The following ATF6 variants were observed in gnomAD, a reference collection of about 807,000 sequenced individuals.
ATF6 encodes cyclic AMP-dependent transcription factor ATF-6 alpha.
In ATF6, 53 loss-of-function variants were observed where a neutral mutation model predicts 83.6. That is an observed-to-expected ratio of 0.63 (90% confidence interval 0.51 to 0.80). The LOEUF (loss-of-function observed/expected upper bound fraction) is 0.80. Ranked by LOEUF, ATF6 falls within the 30% of genes least tolerant of loss-of-function variation. The pLI is 0.00. For missense variants in ATF6, 744 were observed against 797.9 expected (o/e 0.93, Z 0.81); for synonymous variants, 288 against 285.8 (o/e 1.01, Z -0.08).
chr1:161,778,026 CT>C (rs1388404033), intron 1 of ATF6, among the ~76,000 whole-genome samples: 1 of 152,090 alleles, frequency 6.6e-6, no homozygotes, highest in Non-Finnish European at 1.5e-5. Flanking sequence ...TTTTTGATCC[CT>C]GGTGTAAGAA....
intron 15 of ATF6, among the ~76,000 whole-genome samples, chr1:161,925,398 G>A (rs1216785704): frequency 1.3e-5 from 2 of 151,972 alleles, no homozygotes; most frequent in African/African-American, 4.8e-5. Flanking sequence ...AATTTTATTT[G>A]CTGATTTGGA....
At position 161,803,966 on chromosome 1, in the gene ATF6, A is replaced by G. The variant is rs377373959; in HGVS notation, c.909+1694A>G. Among the ~76,000 whole-genome samples the G allele has an allele frequency of 7.4e-5, 11 of 149,538 alleles. 1 individual carries two copies. In the East Asian group the frequency reaches 1.4e-3, roughly 19 times the overall value. ...ACTAACTCGTCATCTAGCATTAGGT[A>G]TGTCTCCCAGTGCTATCCCTCCCCC... is the stretch of plus-strand genomic sequence containing the variant. On this transcript the variant is annotated intron_variant, in intron 7 of 15. Transcript: ENST00000367942.
intron 4 of ATF6, among the ~76,000 whole-genome samples, chr1:161,791,098 GTGTGTCTC>G (rs1359028962): frequency 2.3e-4 from 33 of 143,432 alleles, no homozygotes; most frequent in South Asian, 1.5e-3. Flanking sequence ...GTGTGTGTGT[GTGTGTCTC>G]TGTGTGTGTG....
At chr1:161,865,605 A>G (rs972039060) in intron 14 of ATF6, among the ~76,000 whole-genome samples, 1 of 151,838 alleles carries the variant, frequency 6.6e-6, no homozygotes, top group Admixed American at 6.6e-5. Context: ...ATTGATTTCC[A>G]CTCCTCCCTA....
intron 15 of ATF6, among the ~76,000 whole-genome samples, chr1:161,931,201 C>A (rs922979376): frequency 2.0e-5 from 3 of 152,178 alleles, no homozygotes; most frequent in Non-Finnish European, 4.4e-5. Flanking sequence ...AATATTTGTT[C>A]TGTTTTTAAG....
chr1:161,773,052 C>T (rs1289746027), intron 1 of ATF6, among the ~76,000 whole-genome samples: 1 of 150,854 alleles, frequency 6.6e-6, no homozygotes, highest in East Asian at 2.0e-4. Flanking sequence ...ACTGTAACCT[C>T]CACCTCCTGG....
Position 161,962,713 on chromosome 1 carries a change from A to ACTGCATACTGATGGGCT in ATF6, c.*4060_*4076dup, listed in dbSNP as rs1398376380. On this transcript the variant is annotated 3_prime_UTR_variant, in exon 16 of 16. Transcript: ENST00000367942. Reference sequence around the variant, plus strand: ...TTCCAGCCATGAAAGCCCTCTTTCCACTGCATACTGATGGGCTGACTCAGC... The same window carrying ACTGCATACTGATGGGCT: ...TTCCAGCCATGAAAGCCCTCTTTCCACTGCATACTGATGGGCTCTGCATACTGATGGGCTGACTCAGC... 5.9e-5 allele frequency: 9 copies of ACTGCATACTGATGGGCT among 152,308 alleles called. No individual in the cohort carries two copies. The East Asian group carries it at 1.7e-3, about 29-fold the overall frequency. The allele number at this position is 152,308 out of a possible 1,614,324, so 9.4% of individuals were successfully genotyped here. A position where few individuals can be genotyped will look rare whatever the true frequency, so the allele number is the denominator to read the frequency against.
At chr1:161,859,783 A>G (rs1423398518) in intron 12 of ATF6, among the ~76,000 whole-genome samples, 1 of 152,218 alleles carries the variant, frequency 6.6e-6, no homozygotes, top group African/African-American at 2.4e-5. Context: ...GTATTTTGGC[A>G]TGAAGATCTC....
intron 15 of ATF6, among the ~76,000 whole-genome samples, chr1:161,956,352 G>A (rs1434364850): frequency 6.6e-6 from 1 of 152,144 alleles, no homozygotes; most frequent in Non-Finnish European, 1.5e-5. Flanking sequence ...AGGGACTATG[G>A]TTCCAAAAGG....
intron 15 of ATF6, among the ~76,000 whole-genome samples, chr1:161,954,984 A>G (rs935657010): frequency 6.6e-6 from 1 of 152,168 alleles, no homozygotes; most frequent in Non-Finnish European, 1.5e-5. Context: ...ATTTTTCCTA[A>G]ATAAGTCATG....
chr1:161,802,143 G>A lies in ATF6; in HGVS notation c.780G>A (p.Gly260=). 2 of 1,614,086 alleles carry A rather than the reference G, an allele frequency of 1.2e-6. No individual in the cohort carries two copies. The highest frequency in any genetic ancestry group is 1.7e-5 in the Admixed American group (1 of 59,980). The change falls in exon 7 of 16, where the codon GGG becomes GGA. Residue 260 remains glycine, a synonymous_variant. Coordinates refer to ENST00000367942, the MANE Select transcript of ATF6 (RefSeq NM_007348.4). The stretch of plus-strand genomic sequence containing the variant: ...CTCAGCCAGTCCTTGCTGTTGCTGG[G>A]GGAGTCACACAGCTCCCTAATCACG... ...PSAQPVLAVA[G]GVTQLPNHVV... is the part of the protein sequence containing the mutation.
At chr1:161,863,124 C>T in intron 13 of ATF6, 74 bp from the exon 14 acceptor site, 1 of 824,898 alleles carries the variant, frequency 1.2e-6, no homozygotes, top group South Asian at 2.0e-5. Flanking sequence ...CAGACATAGC[C>T]TTAGAATGGG....
chr1:161,770,597 ATTTAAC>A (rs1483951949), intron 1 of ATF6, among the ~76,000 whole-genome samples: 2 of 152,148 alleles, frequency 1.3e-5, no homozygotes, highest in Non-Finnish European at 2.9e-5. Context: ...TAATGACCTC[ATTTAAC>A]TTTAATTACC....
intron 4 of ATF6, among the ~76,000 whole-genome samples, chr1:161,784,488 A>G (rs1301512760): frequency 6.6e-6 from 1 of 152,166 alleles, no homozygotes; most frequent in Non-Finnish European, 1.5e-5. Flanking sequence ...CACAGCATCT[A>G]GAATGATTGC....
In ATF6 at chr1:161,807,865, C is replaced by CTTTTTTTTTTTTTT. The variant is rs761462420; in HGVS notation, c.909+5612_909+5625dup. ...CTTTTTGTACTTTTTAGTTTGTCAT[C>CTTTTTTTTTTTTTT]TTTTTTTTTTTTTTTTTTTTTTTTT... is the stretch of plus-strand genomic sequence containing the variant. On this transcript the variant is annotated intron_variant, in intron 7 of 15. Transcript: ENST00000367942. Among the ~76,000 whole-genome samples the CTTTTTTTTTTTTTT allele has an allele frequency of 2.2e-4, 7 of 32,310 alleles. 1 individual carries two copies. Among genetic ancestry groups the CTTTTTTTTTTTTTT allele is most frequent in the African/African-American group, 5.7e-4 (5 of 8,748 alleles). The allele number at this position is 32,310 out of a possible 152,430, so 21.2% of individuals were successfully genotyped here.
chr1:161,800,171 C>T (rs910607158), intron 6 of ATF6, among the ~76,000 whole-genome samples: 2 of 151,920 alleles, frequency 1.3e-5, no homozygotes, highest in African/African-American at 4.8e-5. Flanking sequence ...GTTTAGTACC[C>T]CTTAAATGAA....
chr1:161,846,564 C>T lies in ATF6; in HGVS notation c.1303C>T (p.Gln435Ter), dbSNP rs1308784342. 6.2e-7 allele frequency: 1 copy of T among 1,602,876 alleles called. No individual in the cohort carries two copies. The highest frequency in any genetic ancestry group is 8.5e-7 in the Non-Finnish European group (1 of 1,174,552). Reference sequence around the variant, plus strand: ...ACAGGACACATCAGATGGTATTATCCAGAAAAACAGCTACAGGTAAGATGG... The same window carrying T: ...ACAGGACACATCAGATGGTATTATCTAGAAAAACAGCTACAGGTAAGATGG... Reference protein sequence around the residue: ...EAQDTSDGIIQKNSYRYDHSV... With the variant: ...EAQDTSDGII Residue 435 changes from glutamine to a stop codon, truncating the protein, a stop_gained, in exon 10 of 16, where the codon CAG becomes TAG. Coordinates refer to ENST00000367942, the MANE Select transcript of ATF6 (RefSeq NM_007348.4). LOFTEE classifies it high-confidence loss of function.
intron 13 of ATF6, among the ~76,000 whole-genome samples, chr1:161,860,483 T>C (rs1040012380): frequency 1.5e-4 from 23 of 151,432 alleles, no homozygotes; most frequent in African/African-American, 5.1e-4. Flanking sequence ...ATTTCAAAAG[T>C]TCAACTCTCC....
At chr1:161,831,636 T>G (rs1341956040) in intron 9 of ATF6, among the ~76,000 whole-genome samples, 3 of 151,862 alleles carry the variant, frequency 2.0e-5, no homozygotes, top group African/African-American at 7.3e-5. Flanking sequence ...TGAGTTCATG[T>G]CCTTTGTAGG....
Sources: gnomAD v4.1 joint callset for allele counts (sites outside exome capture counted in the v4.1 genomes callset) on GRCh38, gnomAD v4.1.1 for gene constraint, MANE v1.5 for transcripts, NCBI Gene and HGNC (gene_info 2026-07-23, HGNC 2026-07-21) for gene names.